The following MYPN variants were observed in gnomAD, a reference collection of about 807,000 sequenced individuals.
MYPN encodes myopalladin.
Under a neutral mutation model 129.4 loss-of-function variants are expected in MYPN, and 63 were observed. The observed-to-expected ratio is 0.49, with a 90% CI of 0.40 to 0.60. MYPN has a LOEUF of 0.60. Ranked by LOEUF, MYPN falls within the 20% of genes least tolerant of loss-of-function variation. The pLI is 0.00. For missense variants in MYPN, 1,596 were observed against 1,635.4 expected (o/e 0.98, Z 0.42); for synonymous variants, 629 against 600.9 (o/e 1.05, Z -0.68).
chr10:68,203,279 T>C (rs1202681799), intron 18 of MYPN, among the ~76,000 whole-genome samples: 3 of 152,182 alleles, frequency 2.0e-5, no homozygotes, highest in African/African-American at 7.2e-5. Context: ...AAGATGCCTG[T>C]CATTTTAATG....
intron 2 of MYPN, among the ~76,000 whole-genome samples, chr10:68,137,086 T>C (rs2042498390): frequency 7.9e-5 from 12 of 152,142 alleles, no homozygotes. Flanking sequence ...AAATATTGTT[T>C]ATTCATTTTT....
intron 12 of MYPN, among the ~76,000 whole-genome samples, chr10:68,179,554 A>G (rs1381742327): frequency 6.6e-6 from 1 of 152,208 alleles, no homozygotes; most frequent in Admixed American, 6.5e-5. Context: ...TTGTTGCAAA[A>G]CTATGGAAAA....
chr10:68,144,995 G>T (rs1564660315), intron 3 of MYPN, among the ~76,000 whole-genome samples: 2 of 151,906 alleles, frequency 1.3e-5, no homozygotes, highest in African/African-American at 4.8e-5. Context: ...TGTCAAGTTG[G>T]GTGTTAGTGT....
intron 1 of MYPN, among the ~76,000 whole-genome samples, chr10:68,115,380 C>CT (rs1172881576): frequency 6.6e-6 from 1 of 151,932 alleles, no homozygotes; most frequent in Non-Finnish European, 1.5e-5. Context: ...AATGATTTTG[C>CT]TAATGACCTA....
intron 19 of MYPN, among the ~76,000 whole-genome samples, chr10:68,207,833 C>T (rs1315006918): frequency 1.3e-5 from 2 of 152,154 alleles, no homozygotes; most frequent in African/African-American, 4.8e-5. Flanking sequence ...ATTGTACAGG[C>T]TGTCCCACCA....
chr10:68,150,203 G>A (rs2042744826), intron 6 of MYPN, 92 bp downstream of exon 6: 1 of 1,191,174 alleles, frequency 8.4e-7, no homozygotes, highest in Non-Finnish European at 1.2e-6. Context: ...TTTTATCTCA[G>A]GATTTGGTCT....
intron 1 of MYPN, among the ~76,000 whole-genome samples, chr10:68,110,087 T>C (rs1311030744): frequency 6.6e-6 from 1 of 152,254 alleles, no homozygotes; most frequent in Non-Finnish European, 1.5e-5. Context: ...TTAAAGGAAG[T>C]TGAATCTAAA....
chr10:68,154,737 A>G (rs2042838297), intron 6 of MYPN, among the ~76,000 whole-genome samples: 1 of 152,164 alleles, frequency 6.6e-6, no homozygotes, highest in South Asian at 2.1e-4. Flanking sequence ...TTTAACCAAT[A>G]AGGCAGATGC....
chr10:68,144,024 G>GT (rs1184590104), intron 3 of MYPN, among the ~76,000 whole-genome samples: 1 of 152,134 alleles, frequency 6.6e-6, no homozygotes, highest in African/African-American at 2.4e-5. Flanking sequence ...CAAAGTGCTG[G>GT]GATTATAGGT....
chr10:68,141,062 C>A (rs1182956036), intron 2 of MYPN, among the ~76,000 whole-genome samples: 1 of 151,576 alleles, frequency 6.6e-6, no homozygotes, highest in Non-Finnish European at 1.5e-5. Context: ...GAGTGAGACC[C>A]TTCCTCCACC....
upstream of MYPN, chr10:68,106,534 G>T (rs887178370): frequency 3.1e-6 from 2 of 655,594 alleles, no homozygotes; most frequent in Admixed American, 2.4e-5. Context: ...CAAAAATACG[G>T]CATAGAGGTT....
At chr10:68,182,497 C>CACACAT (rs1355617597) in intron 12 of MYPN, among the ~76,000 whole-genome samples, 1 of 132,472 alleles carries the variant, frequency 7.5e-6, no homozygotes, top group African/African-American at 2.7e-5. Context: ...CACACACACA[C>CACACAT]ATATATATAT....
chr10:68,202,717 G>C (rs1025775884), intron 18 of MYPN, among the ~76,000 whole-genome samples: 1 of 152,100 alleles, frequency 6.6e-6, no homozygotes, highest in Non-Finnish European at 1.5e-5. Context: ...TACCACAAGG[G>C]GACAAGTAAG....
intron 16 of MYPN, among the ~76,000 whole-genome samples, chr10:68,198,086 G>A (rs2043641432): frequency 6.6e-6 from 1 of 152,174 alleles, no homozygotes; most frequent in African/African-American, 2.4e-5. Flanking sequence ...TGAAACTTTA[G>A]ACAAAAGGAG....
intron 2 of MYPN, among the ~76,000 whole-genome samples, chr10:68,133,079 G>A (rs553903775): frequency 4.8e-5 from 7 of 144,352 alleles, no homozygotes; most frequent in Admixed American, 1.4e-4. Context: ...AGGCTGGAGT[G>A]CAGTGGCATG....
At chr10:68,118,555 G>C (rs1158580695) in intron 1 of MYPN, among the ~76,000 whole-genome samples, 1 of 152,160 alleles carries the variant, frequency 6.6e-6, no homozygotes, top group Non-Finnish European at 1.5e-5. Flanking sequence ...ATACAGGCTA[G>C]GCACGATGCC....
chr10:68,090,588 A>T (rs2041926347), intron 1 of MYPN, among the ~76,000 whole-genome samples: 1 of 152,224 alleles, frequency 6.6e-6, no homozygotes, highest in Non-Finnish European at 1.5e-5. Context: ...GGAGGCACTA[A>T]TTATAATTTC....
chr10:68,144,002 A>T (rs1211310826), intron 3 of MYPN, among the ~76,000 whole-genome samples: 1 of 151,512 alleles, frequency 6.6e-6, no homozygotes. Flanking sequence ...TGATCTGCCC[A>T]CCTCGGCCTC....
chr10:68,181,152 A>G (rs1429282354), intron 12 of MYPN, among the ~76,000 whole-genome samples: 1 of 152,208 alleles, frequency 6.6e-6, no homozygotes, highest in African/African-American at 2.4e-5. Context: ...TCCTGTTTTT[A>G]CTCACAAAGG....
Sources: allele counts gnomAD v4.1 joint callset (sites outside exome capture counted in the v4.1 genomes callset), GRCh38; gene constraint gnomAD v4.1.1; transcripts MANE v1.5; gene names NCBI Gene and HGNC (gene_info 2026-07-23, HGNC 2026-07-21).